OVCH2: variants seen among roughly 807,000 people sequenced by gnomAD.
The protein encoded by OVCH2 is ovochymase 2.
In OVCH2, 88 loss-of-function variants were observed where a neutral mutation model predicts 73.7. The ratio of observed to expected loss-of-function variants is 1.19; its 90% confidence interval spans 1.01 to 1.43. The LOEUF (loss-of-function observed/expected upper bound fraction) is 1.43, where lower values mean the gene tolerates loss of function less well. OVCH2 is among the 40% of genes most tolerant of loss of function. The pLI, the probability that OVCH2 is intolerant of heterozygous loss-of-function variation, is 0.00. For synonymous variants in OVCH2, 265 were observed against 234.5 expected (o/e 1.13, Z -1.19); for missense variants, 706 against 674.5 (o/e 1.05, Z -0.52).
the OVCH2 span, among the ~76,000 whole-genome samples, chr11:7,679,269 T>C: frequency 6.6e-6 from 1 of 152,214 alleles, no homozygotes; most frequent in African/African-American, 2.4e-5. Flanking sequence ...CCAAGTGATA[T>C]GGATCTTTTT....
downstream of OVCH2, among the ~76,000 whole-genome samples, chr11:7,687,788 G>A (rs1167688932): frequency 6.6e-6 from 1 of 152,060 alleles, no homozygotes; most frequent in African/African-American, 2.4e-5. Context: ...CAAAGTTCTG[G>A]AGACTGCCAA....
Position 7,695,617 on chromosome 11 carries a change from GCTGCATTAT to G in OVCH2, c.1226_1234del (p.Asp409_Ala411del). ...AGCTTTATAGGTAAGATTAAACCCA[GCTGCATTAT>G]CTGTGGCATCAGAGACGAATTTCAG... On this transcript the variant is annotated inframe_deletion, in exon 11 of 16. Coordinates refer to ENST00000533663, the MANE Select transcript of OVCH2 (RefSeq NM_198185.7). 2.5e-6 allele frequency: 4 copies of G among 1,612,986 alleles called. No individual in the cohort carries two copies. Among genetic ancestry groups the G allele is most frequent in the Non-Finnish European group, 3.4e-6 (4 of 1,179,742 alleles).
intron 4 of OVCH2, 110 bp from the exon 5 acceptor site, chr11:7,701,921 G>T (rs1856447271): frequency 2.2e-5 from 21 of 963,450 alleles, no homozygotes; most frequent in South Asian, 4.7e-5. Context: ...TGAGAGTTGT[G>T]ATAGCTCTGC....
rs370974100 is a variant in OVCH2, at chr11:7,691,357, G to A, written c.1551C>T (p.Pro517=). The change falls in exon 14 of 16, where the codon CCC becomes CCT. Residue 517 remains proline (P), a synonymous_variant. Transcript: ENST00000533663. Reference sequence around the variant, plus strand: ...GGAAGCTGATGAGCATGATGCTGGAGGGGCTCAGCACAGGGGTGGGGACAT... The same window carrying A: ...GGAAGCTGATGAGCATGATGCTGGAAGGGCTCAGCACAGGGGTGGGGACAT... ...GYDVPTPVLS[P]SSIMLISFQS... is the part of the protein sequence containing the mutation. The A allele has an allele frequency of 6.2e-7, 1 of 1,613,896 alleles. No homozygotes were observed. Among genetic ancestry groups the A allele is most frequent in the East Asian group, 2.2e-5 (1 of 44,872 alleles).
At chr11:7,680,161 T>C in the OVCH2 span, among the ~76,000 whole-genome samples, 1 of 152,238 alleles carries the variant, frequency 6.6e-6, no homozygotes, top group African/African-American at 2.4e-5. Context: ...TCAGAAATTC[T>C]GGAAGCCCAG....
intron 12 of OVCH2, among the ~76,000 whole-genome samples, chr11:7,694,737 G>A (rs994427945): frequency 1.3e-4 from 20 of 150,840 alleles, no homozygotes; most frequent in African/African-American, 4.6e-4. Flanking sequence ...CCAGCCTCCC[G>A]AGTAGCTGGG....
chr11:7,697,408 G>A (rs1028029687), intron 8 of OVCH2, among the ~76,000 whole-genome samples: 9 of 152,154 alleles, frequency 5.9e-5, no homozygotes, highest in South Asian at 2.1e-4. Context: ...TCTAGCCTTC[G>A]TCCTCATCTG....
Position 7,689,932 on chromosome 11 carries a change from T to A in OVCH2, c.*23A>T, listed in dbSNP as rs140510760. On this transcript the variant is annotated 3_prime_UTR_variant, in exon 15 of 16. Transcript: ENST00000533663. Reference sequence around the variant, plus strand: ...TCCCCAAAACAGCTTACCAGAAACATTGGTTTCTCCATTTGGCACATCTCA... The same window carrying A: ...TCCCCAAAACAGCTTACCAGAAACAATGGTTTCTCCATTTGGCACATCTCA... 6.0e-6 allele frequency: 9 copies of A among 1,496,854 alleles called. No homozygotes were observed. In the African/African-American group the frequency reaches 6.9e-5, roughly 12 times the overall value. The allele number at this position is 1,496,854 out of a possible 1,614,324, so 92.7% of individuals were successfully genotyped here.
downstream of OVCH2, among the ~76,000 whole-genome samples, chr11:7,688,285 C>A (rs1469556201): frequency 1.3e-5 from 2 of 152,190 alleles, no homozygotes; most frequent in African/African-American, 2.4e-5. Context: ...TGGACATCTG[C>A]AGCTGGATAT....
chr11:7,695,570 C>T lies in OVCH2; in HGVS notation c.1282G>A (p.Asp428Asn). ...YKALKPNYIP[D>N]SGCSYLTVLF... ...TGTGATTAAAAGTAAATGGTTTTACCAGGAATGTAGTTTGGTTTAAGAGCT... is the reference window on the plus strand; with the variant it reads ...TGTGATTAAAAGTAAATGGTTTTACTAGGAATGTAGTTTGGTTTAAGAGCT... Residue 428 changes from aspartate to asparagine, a missense_variant and splice_region_variant, in exon 11 of 16, where the codon GAT (aspartate) becomes AAT (asparagine). By Grantham distance (23) the Asp-to-Asn change is conservative. Transcript: ENST00000533663. 1.2e-6 allele frequency: 2 copies of T among 1,612,020 alleles called. No individual in the cohort carries two copies. Among genetic ancestry groups the T allele is most frequent in the Non-Finnish European group, 8.5e-7 (1 of 1,178,606 alleles).
At position 7,689,974 on chromosome 11, in the gene OVCH2, G is replaced by A. The variant is rs559094509; in HGVS notation, c.1679C>T (p.Ser560Leu). Reference protein sequence around the residue: ...DLNISISEDESMFLET With the variant: ...DLNISISEDELMFLET ...CACATCTCATGTCTCCAGAAACATTGATTCATCCTCTGATATGGAGATGTT... is the reference window on the plus strand; with the variant it reads ...CACATCTCATGTCTCCAGAAACATTAATTCATCCTCTGATATGGAGATGTT... The change falls in exon 15 of 16, where the codon TCA (serine) becomes TTA (leucine). Residue 560 changes from serine (S) to leucine (L), a missense_variant. Physicochemically the swap from Ser to Leu is moderately radical, Grantham distance 145 (BLOSUM62 -2). Transcript: ENST00000533663. The A allele has an allele frequency of 4.3e-4, 663 of 1,527,862 alleles. 8 individuals carry two copies. In the South Asian group the frequency reaches 7.5e-3, roughly 17 times the overall value. The allele number at this position is 1,527,862 out of a possible 1,614,324, so 94.6% of individuals were successfully genotyped here. A position where few individuals can be genotyped will look rare whatever the true frequency, so the allele number is the denominator to read the frequency against.
chr11:7,701,256 A>C (rs1381526796), intron 6 of OVCH2, 68 bp downstream of exon 6: 1 of 1,509,596 alleles, frequency 6.6e-7, no homozygotes, highest in Admixed American at 2.3e-5. Flanking sequence ...AAATTTAAGA[A>C]AACTAGAAGA....
chr11:7,689,900 C>T (rs1856188405), intron 15 of OVCH2, 24 bp downstream of exon 15: 1 of 1,318,926 alleles, frequency 7.6e-7, no homozygotes. Flanking sequence ...CTGTGTGTAT[C>T]AATTGGTCCC....
chr11:7,689,783 T>TTTA, intron 15 of OVCH2, 141 bp downstream of exon 15: 3 of 698,994 alleles, frequency 4.3e-6, no homozygotes, highest in Non-Finnish European at 7.8e-6. Context: ...TATCTCTAAA[T>TTTA]AAGGTCACAT....
chr11:7,685,524 A>G (rs571346189), downstream of OVCH2, among the ~76,000 whole-genome samples: 1 of 152,144 alleles, frequency 6.6e-6, no homozygotes, highest in Non-Finnish European at 1.5e-5. Flanking sequence ...TCCACCAAAC[A>G]TATTTTTAGA....
chr11:7,692,623 G>T (rs148579982), intron 12 of OVCH2, among the ~76,000 whole-genome samples: 65 of 152,316 alleles, frequency 4.3e-4, no homozygotes, highest in African/African-American at 1.5e-3. Context: ...GCATAAGTGG[G>T]CTCGGAGTCA....
intron 1 of OVCH2, among the ~76,000 whole-genome samples, chr11:7,705,079 T>C (rs1856508620): frequency 6.6e-6 from 1 of 152,198 alleles, no homozygotes. Context: ...ATGGCACATC[T>C]TCTGTCCCTC....
At chr11:7,698,916 G>A in intron 7 of OVCH2, 143 bp from the exon 8 acceptor site, 2 of 745,450 alleles carry the variant, frequency 2.7e-6, no homozygotes, top group Non-Finnish European at 2.2e-6. Context: ...AGAAGGGAAG[G>A]GATAAATGGA....
At chr11:7,695,761 CCATT>C (rs1856320912) in intron 10 of OVCH2, 51 bp from the exon 11 acceptor site, 1 of 1,558,296 alleles carries the variant, frequency 6.4e-7, no homozygotes, top group African/African-American at 1.4e-5. Context: ...AAAATAGTTC[CCATT>C]CAATGATTTA....
Sources: gnomAD v4.1 joint callset for allele counts (sites outside exome capture counted in the v4.1 genomes callset) on GRCh38, gnomAD v4.1.1 for gene constraint, MANE v1.5 for transcripts, NCBI Gene and HGNC (gene_info 2026-07-23, HGNC 2026-07-21) for gene names.